The following OVAAL variants were observed in gnomAD, a reference collection of about 807,000 sequenced individuals.
OVAAL encodes ovarian adenocarcinoma amplified long non-coding RNA.
exon 3 of OVAAL, chr1:180,565,583 T>G (rs564176223): frequency 6.6e-6 from 1 of 152,264 alleles, no homozygotes; most frequent in Non-Finnish European, 1.5e-5. Flanking sequence ...CCACGTATCA[T>G]TAAAAATGGA....
intron 2 of OVAAL, among the ~76,000 whole-genome samples, chr1:180,564,425 A>G (rs1653259627): frequency 6.6e-6 from 1 of 152,130 alleles, no homozygotes. Context: ...ACCCTAGTCT[A>G]ACTAGGGTTA....
intron 2 of OVAAL, among the ~76,000 whole-genome samples, chr1:180,563,397 G>A (rs760140585): frequency 6.6e-6 from 1 of 152,126 alleles, no homozygotes; most frequent in Non-Finnish European, 1.5e-5. Context: ...AATTCGTACG[G>A]GTCGGCAGCA....
chr1:180,561,551 T>C (rs762918082), intron 1 of OVAAL, among the ~76,000 whole-genome samples: 1 of 152,154 alleles, frequency 6.6e-6, no homozygotes, highest in East Asian at 1.9e-4. Context: ...GGTTGGGTAC[T>C]CAGCCTGGCT....
intron 1 of OVAAL, among the ~76,000 whole-genome samples, chr1:180,561,162 T>C (rs980689836): frequency 2.0e-5 from 3 of 152,186 alleles, no homozygotes; most frequent in Non-Finnish European, 4.4e-5. Context: ...CTGAGCATGC[T>C]CCTCTTTTCC....
chr1:180,565,402 G>T (rs552671041), exon 3 of OVAAL: 1 of 152,378 alleles, frequency 6.6e-6, no homozygotes, highest in Non-Finnish European at 1.5e-5. Context: ...TTTAGCCTTA[G>T]AGAGAATCCA....
At chr1:180,565,907 T>C (rs918344160) in exon 3 of OVAAL, 1 of 152,188 alleles carries the variant, frequency 6.6e-6, no homozygotes, top group Non-Finnish European at 1.5e-5. Flanking sequence ...CAGTGCCCTT[T>C]ACACTTGATC....
intron 2 of OVAAL, among the ~76,000 whole-genome samples, chr1:180,562,605 C>T (rs188924885): frequency 6.6e-6 from 1 of 152,038 alleles, no homozygotes; most frequent in South Asian, 2.1e-4. Context: ...ATTTGATAAC[C>T]CAGAGAAGAA....
intron 2 of OVAAL, among the ~76,000 whole-genome samples, chr1:180,563,346 C>T (rs893030635): frequency 6.6e-6 from 1 of 152,190 alleles, no homozygotes; most frequent in Non-Finnish European, 1.5e-5. Context: ...GCCAAGTATT[C>T]ACAGTTTGGG....
exon 3 of OVAAL, chr1:180,566,484 A>T (rs924858302): frequency 6.6e-6 from 1 of 152,258 alleles, no homozygotes; most frequent in African/African-American, 2.4e-5. Context: ...CAAGCTTTTG[A>T]AAACCTGTGC....
intron 2 of OVAAL, among the ~76,000 whole-genome samples, chr1:180,564,958 G>A (rs1653266270): frequency 6.6e-6 from 1 of 152,152 alleles, no homozygotes; most frequent in African/African-American, 2.4e-5. Flanking sequence ...CCCTCGCTCT[G>A]TTCCCAGTGG....
At chr1:180,564,982 T>C (rs1164196025) in intron 2 of OVAAL, among the ~76,000 whole-genome samples, 3 of 152,204 alleles carry the variant, frequency 2.0e-5, no homozygotes, top group African/African-American at 7.2e-5. Flanking sequence ...CAGTTCTTGT[T>C]TAATTCTTCT....
At chr1:180,565,786 A>G (rs1032945405) in exon 3 of OVAAL, 2 of 152,164 alleles carry the variant, frequency 1.3e-5, no homozygotes, top group African/African-American at 2.4e-5. Context: ...CCTGGAGCCT[A>G]TGAATCTTAC....
At chr1:180,559,094 A>G in intron 1 of OVAAL, 1 of 156,312 alleles carries the variant, frequency 6.4e-6, no homozygotes, top group Non-Finnish European at 1.4e-5. Context: ...TCCCAGTCTC[A>G]GGTATGTCTT....
rs113401320 is a variant in OVAAL, at chr1:180,560,269, T to C, written n.373-1935T>C. On this transcript the variant is annotated intron_variant and non_coding_transcript_variant, in intron 1 of 2. Transcript: ENST00000673955. Reference sequence around the variant, plus strand: ...AGAGAATGAGGGTGAGGCACAGAGATAAAGTAGGTGATATCGAGGAGTTCA... The same window carrying C: ...AGAGAATGAGGGTGAGGCACAGAGACAAAGTAGGTGATATCGAGGAGTTCA... Among the ~76,000 whole-genome samples the C allele has an allele frequency of 3.6e-3, 542 of 152,006 alleles. 1 individual carries two copies. The highest frequency in any genetic ancestry group is 0.012 in the African/African-American group (513 of 41,452).
chr1:180,562,499 T>C (rs1245644670), intron 2 of OVAAL, among the ~76,000 whole-genome samples: 1 of 152,118 alleles, frequency 6.6e-6, no homozygotes, highest in Non-Finnish European at 1.5e-5. Flanking sequence ...AGATAACAGG[T>C]GTATCTTTTA....
chr1:180,562,996 T>A (rs897212694), intron 2 of OVAAL, among the ~76,000 whole-genome samples: 7 of 152,230 alleles, frequency 4.6e-5, no homozygotes, highest in South Asian at 2.1e-4. Flanking sequence ...CAGCTATAGA[T>A]AAACATGAAA....
intron 1 of OVAAL, among the ~76,000 whole-genome samples, chr1:180,561,321 A>G (rs1653195605): frequency 6.6e-6 from 1 of 152,210 alleles, no homozygotes; most frequent in African/African-American, 2.4e-5. Context: ...AGAAGTGGCC[A>G]AGGAGGGGAA....
At chr1:180,562,794 A>G (rs1323557246) in intron 2 of OVAAL, among the ~76,000 whole-genome samples, 2 of 152,252 alleles carry the variant, frequency 1.3e-5, no homozygotes, top group African/African-American at 4.8e-5. Context: ...GAAATGCCTA[A>G]GGCATGATAT....
intron 1 of OVAAL, chr1:180,562,146 T>C (rs1653216303): frequency 6.6e-6 from 1 of 152,234 alleles, no homozygotes; most frequent in Admixed American, 6.6e-5. Flanking sequence ...AGTCTGGAAA[T>C]CAGTAGGTAT....
Sources: allele counts gnomAD v4.1 joint callset (sites outside exome capture counted in the v4.1 genomes callset), GRCh38; gene constraint gnomAD v4.1.1; transcripts MANE v1.5; gene names NCBI Gene and HGNC (gene_info 2026-07-23, HGNC 2026-07-21).